The following KMT5A variants were observed in gnomAD, a reference collection of about 807,000 sequenced individuals.
KMT5A encodes lysine methyltransferase 5A.
In KMT5A, 6 loss-of-function variants were observed where a neutral mutation model predicts 40.6. The ratio of observed to expected loss-of-function variants is 0.15; its 90% confidence interval spans 0.08 to 0.29. KMT5A has a LOEUF of 0.29. KMT5A is among the 10% of genes least tolerant of loss of function. The pLI, the probability that KMT5A is intolerant of heterozygous loss-of-function variation, is 1.00. For synonymous variants in KMT5A, 153 were observed against 178.8 expected (o/e 0.86, Z 1.15); for missense variants, 308 against 459.1 (o/e 0.67, Z 3.01).
intron 5 of KMT5A, among the ~76,000 whole-genome samples, chr12:123,400,803 G>GT (rs1024425965): frequency 1.1e-4 from 16 of 148,910 alleles, no homozygotes; most frequent in Middle Eastern, 3.5e-3. Context: ...GTTGGTTGAA[G>GT]TTTTTTTTTT....
intron 1 of KMT5A, among the ~76,000 whole-genome samples, chr12:123,387,275 C>G (rs186926268): frequency 6.6e-6 from 1 of 152,272 alleles, no homozygotes; most frequent in African/African-American, 2.4e-5. Flanking sequence ...GGAATAGGTG[C>G]TAGACTTGTA....
At chr12:123,385,902 C>T (rs570148801) in intron 1 of KMT5A, among the ~76,000 whole-genome samples, 3 of 152,194 alleles carry the variant, frequency 2.0e-5, no homozygotes, top group East Asian at 3.9e-4. Flanking sequence ...CCACTGAGGG[C>T]CAGGCACTTT....
At chr12:123,400,746 T>C (rs1456610652) in intron 5 of KMT5A, among the ~76,000 whole-genome samples, 1 of 152,184 alleles carries the variant, frequency 6.6e-6, no homozygotes, top group Non-Finnish European at 1.5e-5. Flanking sequence ...TAAGTTACTC[T>C]GGTGAATTTG....
chr12:123,407,587 G>A lies in KMT5A; in HGVS notation c.943G>A (p.Val315Ile), dbSNP rs1878648199. ...CQTKLHDIDG[V>I]PHLILIASRD... ...AACCAAACTGCACGACATCGACGGCGTACCTCACCTCATCCTCATCGCCTC... is the reference window on the plus strand; with the variant it reads ...AACCAAACTGCACGACATCGACGGCATACCTCACCTCATCCTCATCGCCTC... The change falls in exon 8 of 8, where the codon GTA (valine) becomes ATA (isoleucine). Residue 315 changes from valine (V) to isoleucine (I), a missense_variant. By Grantham distance (29) the Val-to-Ile change is conservative (BLOSUM62 3). Transcript: ENST00000402868. The A allele has an allele frequency of 2.5e-6, 4 of 1,613,842 alleles. No homozygotes were observed. Among genetic ancestry groups the A allele is most frequent in the East Asian group, 4.5e-5 (2 of 44,876 alleles).
At chr12:123,407,413 G>A (rs1441674405) in intron 7 of KMT5A, 80 bp from the exon 8 acceptor site, 1 of 1,324,428 alleles carries the variant, frequency 7.6e-7, no homozygotes, top group Non-Finnish European at 1.1e-6. Context: ...TCCCACCAGA[G>A]CTGAGCACAA....
At chr12:123,392,547 C>G (rs1000677631) in intron 3 of KMT5A, among the ~76,000 whole-genome samples, 3 of 152,028 alleles carry the variant, frequency 2.0e-5, no homozygotes, top group African/African-American at 7.2e-5. Context: ...ATCTGTAGTC[C>G]CAGCTGCTTG....
chr12:123,389,984 A>G (rs1877167547), intron 2 of KMT5A: 1 of 453,318 alleles, frequency 2.2e-6, no homozygotes, highest in East Asian at 7.0e-5. Context: ...GAACCGCCCC[A>G]CCGCCCCGTC....
chr12:123,396,290 T>C, intron 4 of KMT5A, 55 bp from the exon 5 acceptor site: 1 of 1,546,802 alleles, frequency 6.5e-7, no homozygotes, highest in Non-Finnish European at 8.9e-7. Context: ...AGGAGCTGTG[T>C]GCCTCCAGGT....
At chr12:123,385,382 G>A (rs1401871381) in intron 1 of KMT5A, among the ~76,000 whole-genome samples, 1 of 152,094 alleles carries the variant, frequency 6.6e-6, no homozygotes, top group Non-Finnish European at 1.5e-5. Flanking sequence ...GCATCTAAAA[G>A]TATATTTAAC....
At chr12:123,397,483 A>G (rs1877819204) in intron 5 of KMT5A, among the ~76,000 whole-genome samples, 1 of 152,170 alleles carries the variant, frequency 6.6e-6, no homozygotes, top group East Asian at 1.9e-4. Flanking sequence ...ACAGTGGTCT[A>G]GTATTCTTTC....
rs945814935 is a variant in KMT5A at position 123,389,345 on chromosome 12, C to A, written c.11-88C>A. ...ATATGGCTGCGGCGGGAGGCGCCGT[C>A]GCGGCGCCCGGCCCGGGCGGCCCCG... On this transcript the variant is annotated intron_variant, in intron 1 of 7. Transcript: ENST00000402868. The A allele has an allele frequency of 9.0e-4, 780 of 863,668 alleles. 5 individuals carry two copies. The African/African-American group carries it at 0.01, about 11-fold the overall frequency. 53.5% of individuals were successfully genotyped at this position (863,668 alleles called of 1,614,324 possible).
At chr12:123,400,441 A>G (rs1456148088) in intron 5 of KMT5A, among the ~76,000 whole-genome samples, 2 of 145,082 alleles carry the variant, frequency 1.4e-5, no homozygotes, top group Non-Finnish European at 3.0e-5. Flanking sequence ...GCTCACTGCA[A>G]CCTCCACCTC....
intron 5 of KMT5A, among the ~76,000 whole-genome samples, chr12:123,400,379 G>A (rs1243739835): frequency 8.8e-6 from 1 of 113,052 alleles, no homozygotes; most frequent in Non-Finnish European, 2.1e-5. Context: ...TTTTTTTTTT[G>A]AGACAGAGTC....
At chr12:123,400,649 G>A (rs548923754) in intron 5 of KMT5A, among the ~76,000 whole-genome samples, 12 of 152,138 alleles carry the variant, frequency 7.9e-5, no homozygotes, top group South Asian at 2.1e-4. Flanking sequence ...GTGAGCCACC[G>A]CGCCTGGCCA....
chr12:123,405,021 C>G lies in KMT5A; in HGVS notation c.795C>G (p.Asp265Glu). The G allele has an allele frequency of 6.2e-7, 1 of 1,614,148 alleles. No individual in the cohort carries two copies. Among genetic ancestry groups the G allele is most frequent in the Non-Finnish European group, 8.5e-7 (1 of 1,180,008 alleles). ...AKKREALYAQ[D>E]PSTGCYMYYF... ...AACGGGAGGCTCTGTACGCACAGGACCCTTCCACGGGCTGCTACATGTACT... is the reference window on the plus strand; with the variant it reads ...AACGGGAGGCTCTGTACGCACAGGAGCCTTCCACGGGCTGCTACATGTACT... The change falls in exon 7 of 8, where the codon GAC (aspartate) becomes GAG (glutamate). Residue 265 changes from aspartate to glutamate, a missense_variant. This residue lies in a region of KMT5A where 77 missense variants were observed against 220.0 expected (regional missense o/e 0.35). Transcript: ENST00000402868.
intron 5 of KMT5A, among the ~76,000 whole-genome samples, chr12:123,398,244 C>T (rs577360418): frequency 1.3e-4 from 19 of 151,772 alleles, no homozygotes; most frequent in African/African-American, 3.1e-4. Context: ...ATCGCGCCAC[C>T]GCACTCCATC....
intron 5 of KMT5A, among the ~76,000 whole-genome samples, chr12:123,401,600 G>A (rs1878184274): frequency 6.6e-6 from 1 of 150,656 alleles, no homozygotes; most frequent in South Asian, 2.1e-4. Context: ...GTTTCTTTTT[G>A]AGATGGAGTC....
intron 5 of KMT5A, among the ~76,000 whole-genome samples, chr12:123,401,783 T>C (rs966609928): frequency 6.6e-6 from 1 of 152,158 alleles, no homozygotes; most frequent in Non-Finnish European, 1.5e-5. Context: ...GGTTTCGCCA[T>C]GTTGGCCAGG....
intron 2 of KMT5A, 136 bp downstream of exon 2, chr12:123,389,690 C>T (rs1877133517): frequency 3.4e-6 from 2 of 582,874 alleles, no homozygotes; most frequent in Non-Finnish European, 4.4e-6. Context: ...GGGAGTGGCG[C>T]CCACACGGCT....
Sources: allele counts gnomAD v4.1 joint callset (sites outside exome capture counted in the v4.1 genomes callset), GRCh38; gene constraint gnomAD v4.1.1; regional missense constraint gnomAD v4.1.1; transcripts MANE v1.5; gene names NCBI Gene and HGNC (gene_info 2026-07-23, HGNC 2026-07-21).